The following DCAF8L2 variants were observed in gnomAD, a reference collection of about 807,000 sequenced individuals.
DCAF8L2 encodes DDB1- and CUL4-associated factor 8-like protein 2.
For missense variants in DCAF8L2, 430 were observed against 490.7 expected (o/e 0.88, Z 1.17); for synonymous variants, 200 against 190.9 (o/e 1.05, Z -0.39).
chrX:27,663,620 T>G (rs150640269), intron 2 of DCAF8L2, among the ~76,000 whole-genome samples: 1,305 of 110,639 alleles, frequency 0.012, 17 homozygotes, highest in African/African-American at 0.041. Context: ...ACTGATAGCT[T>G]TTCCCCCTAT....
At chrX:27,647,324 C>G (rs1022602456) in intron 2 of DCAF8L2, among the ~76,000 whole-genome samples, 3 of 111,871 alleles carry the variant, frequency 2.7e-5, no homozygotes, top group Admixed American at 9.5e-5. Context: ...AACCAAACAT[C>G]GCATGTTCTC....
At position 27,656,921 on chromosome X, in the gene DCAF8L2, C is replaced by A. The variant is rs192134047; in HGVS notation, c.-219-20915C>A. ...TGGATTGAAGGATACAAAGTATTGA[C>A]CCTGGGTGTGTCTGTGAGGGTGTTG... On this transcript the variant is annotated intron_variant, in intron 2 of 4. Transcript: ENST00000451261. Among the ~76,000 whole-genome samples the A allele has an allele frequency of 1.4e-4, 16 of 111,075 alleles. No individual in the cohort carries two copies. The East Asian group carries it at 4.6e-3, about 32-fold the overall frequency.
At chrX:27,581,419 T>C in the DCAF8L2 span, among the ~76,000 whole-genome samples, 1 of 111,591 alleles carries the variant, frequency 9.0e-6, no homozygotes, top group Non-Finnish European at 1.9e-5. Context: ...CTTTTTCTAA[T>C]ATATCTTTAC....
the DCAF8L2 span, among the ~76,000 whole-genome samples, chrX:27,515,779 G>A: frequency 2.7e-5 from 3 of 111,630 alleles, no homozygotes; most frequent in Admixed American, 2.9e-4. Flanking sequence ...GCTTTAAAGT[G>A]AACATTTATG....
chrX:27,610,705 A>C (rs1405633606), intron 1 of DCAF8L2, among the ~76,000 whole-genome samples: 1 of 112,085 alleles, frequency 8.9e-6, no homozygotes, highest in Non-Finnish European at 1.9e-5. Flanking sequence ...GAATGCTAGA[A>C]AGTAAGGCTA....
At chrX:27,683,220 C>T (rs189753225) in intron 3 of DCAF8L2, among the ~76,000 whole-genome samples, 12 of 111,519 alleles carry the variant, frequency 1.1e-4, no homozygotes, top group East Asian at 8.6e-4. Context: ...GCTAATTTGC[C>T]GGTGGTCACT....
At chrX:27,515,841 A>C in the DCAF8L2 span, among the ~76,000 whole-genome samples, 2 of 112,020 alleles carry the variant, frequency 1.8e-5, no homozygotes, top group African/African-American at 6.5e-5. Flanking sequence ...GATGTACTGC[A>C]GGTAGGAACA....
chrX:27,719,908 GT>G (rs964033663), intron 4 of DCAF8L2, among the ~76,000 whole-genome samples: 11 of 108,195 alleles, frequency 1.0e-4, no homozygotes, highest in Admixed American at 5.9e-4. Context: ...GTCTATTTGT[GT>G]TTTTTTTTCT....
At chrX:27,702,579 AT>A (rs1188822901) in intron 3 of DCAF8L2, among the ~76,000 whole-genome samples, 4 of 111,296 alleles carry the variant, frequency 3.6e-5, no homozygotes, top group Non-Finnish European at 7.6e-5. Context: ...AATATATCAT[AT>A]TAATAGGTAA....
intron 3 of DCAF8L2, among the ~76,000 whole-genome samples, chrX:27,683,742 T>G (rs1406719776): frequency 9.0e-6 from 1 of 111,558 alleles, no homozygotes; most frequent in Non-Finnish European, 1.9e-5. Flanking sequence ...GGCTGAACAG[T>G]GTAGGAGTAT....
intron 3 of DCAF8L2, among the ~76,000 whole-genome samples, chrX:27,714,459 TC>T: frequency 9.0e-6 from 1 of 111,654 alleles, no homozygotes; most frequent in Middle Eastern, 4.6e-3. Context: ...AAAGAAATGT[TC>T]TTAGCAATTT....
chrX:27,528,113 T>C, the DCAF8L2 span, among the ~76,000 whole-genome samples: 2 of 105,614 alleles, frequency 1.9e-5, no homozygotes, highest in African/African-American at 3.4e-5. Flanking sequence ...TTTAATTTAA[T>C]TAATTATTAA....
chrX:27,613,410 G>A (rs1195585509), intron 1 of DCAF8L2, among the ~76,000 whole-genome samples: 45 of 111,468 alleles, frequency 4.0e-4, no homozygotes, highest in African/African-American at 1.5e-3. Context: ...GGGACAATTT[G>A]ACTTCCTCTT....
the DCAF8L2 span, among the ~76,000 whole-genome samples, chrX:27,506,122 C>A: frequency 1.8e-5 from 2 of 111,170 alleles, no homozygotes; most frequent in Non-Finnish European, 3.8e-5. Context: ...GATCAATATT[C>A]GAATAAACAG....
the DCAF8L2 span, among the ~76,000 whole-genome samples, chrX:27,545,576 ATC>A: frequency 9.0e-6 from 1 of 111,424 alleles, no homozygotes; most frequent in South Asian, 3.8e-4. Flanking sequence ...TGATTAGATC[ATC>A]GGAGCGGATT....
intron 1 of DCAF8L2, among the ~76,000 whole-genome samples, chrX:27,623,036 C>T (rs1457921599): frequency 8.9e-6 from 1 of 112,076 alleles, no homozygotes; most frequent in Non-Finnish European, 1.9e-5. Context: ...TTGCTTAGAA[C>T]AAGGAAGTTA....
In DCAF8L2 at chrX:27,711,396, TAC is replaced by T. The variant is rs1308824277; in HGVS notation, c.-142-4691_-142-4690del. ...ATCTATATGTGTGTGTGTGTGTGTG[TAC>T]GTGTGTGTGTGTGTGTGTGTGTGTG... On this transcript the variant is annotated intron_variant, in intron 3 of 4. Coordinates refer to ENST00000451261, the MANE Select transcript of DCAF8L2 (RefSeq NM_001353450.2). Among the ~76,000 whole-genome samples, 194 of 83,984 alleles carry T rather than the reference TAC, an allele frequency of 2.3e-3. 1 individual carries two copies. The highest frequency in any genetic ancestry group is 7.5e-3 in the African/African-American group (143 of 19,187). 72.9% of individuals were successfully genotyped at this position (83,984 alleles called of 115,157 possible).
the DCAF8L2 span, among the ~76,000 whole-genome samples, chrX:27,497,509 T>TTTCTCTTTCCTTCCTTCCTTCC: frequency 5.4e-4 from 25 of 46,492 alleles, no homozygotes; most frequent in East Asian, 9.3e-4. Flanking sequence ...TCTTTCTTTC[T>TTTCTCTTTCCTTCCTTCCTTCC]TTCCTTCCTT....
intron 2 of DCAF8L2, among the ~76,000 whole-genome samples, chrX:27,670,853 T>C (rs1319261051): frequency 8.9e-6 from 1 of 111,866 alleles, no homozygotes. Flanking sequence ...ATCACTTCCC[T>C]TCCCTTTCTG....
Sources: gnomAD v4.1 joint callset for allele counts (sites outside exome capture counted in the v4.1 genomes callset) on GRCh38, gnomAD v4.1.1 for gene constraint, MANE v1.5 for transcripts, NCBI Gene and HGNC (gene_info 2026-07-23, HGNC 2026-07-21) for gene names.